KHDRBS2: variants seen among roughly 807,000 people sequenced by gnomAD.
The protein encoded by KHDRBS2 is KH RNA binding domain containing, signal transduction associated 2.
A neutral mutation model predicts 44.3 loss-of-function variants in KHDRBS2; 26 were observed. The observed-to-expected ratio is 0.59, with a 90% CI of 0.43 to 0.81. The LOEUF (loss-of-function observed/expected upper bound fraction) is 0.81, where lower values mean the gene tolerates loss of function less well. Ranked by LOEUF, KHDRBS2 falls within the 40% of genes least tolerant of loss-of-function variation. KHDRBS2 has a pLI of 0.00. For synonymous variants in KHDRBS2, 194 were observed against 151.1 expected (o/e 1.28, Z -2.08); for missense variants, 476 against 433.1 (o/e 1.10, Z -0.88).
intron 6 of KHDRBS2, among the ~76,000 whole-genome samples, chr6:61,791,611 C>T (rs1327433073): frequency 3.3e-5 from 5 of 151,100 alleles, no homozygotes; most frequent in Admixed American, 2.6e-4. Flanking sequence ...ATAAATTATC[C>T]TAAATGAACG....
intron 6 of KHDRBS2, among the ~76,000 whole-genome samples, chr6:61,858,394 G>A (rs1453555122): frequency 1.3e-5 from 2 of 151,018 alleles, no homozygotes; most frequent in South Asian, 4.2e-4. Flanking sequence ...TTAAAATCTG[G>A]CATAAGTTTT....
At chr6:61,845,601 C>A (rs975540916) in intron 6 of KHDRBS2, among the ~76,000 whole-genome samples, 1 of 152,136 alleles carries the variant, frequency 6.6e-6, no homozygotes, top group Non-Finnish European at 1.5e-5. Context: ...AGCCTCTGCA[C>A]ACGGCCCAAT....
At chr6:62,258,911 C>CA (rs776322012) in intron 1 of KHDRBS2, among the ~76,000 whole-genome samples, 8 of 151,988 alleles carry the variant, frequency 5.3e-5, no homozygotes. Flanking sequence ...GGAGCATACC[C>CA]AGTGATGGTA....
chr6:62,114,385 G>A (rs1233344175), intron 2 of KHDRBS2, among the ~76,000 whole-genome samples: 1 of 152,100 alleles, frequency 6.6e-6, no homozygotes, highest in Non-Finnish European at 1.5e-5. Flanking sequence ...CATGTTTTAA[G>A]GAACTGCTTC....
At chr6:61,751,941 C>T (rs1253531257) in intron 6 of KHDRBS2, among the ~76,000 whole-genome samples, 2 of 131,118 alleles carry the variant, frequency 1.5e-5, no homozygotes, top group East Asian at 2.5e-4. Flanking sequence ...GTACACACTT[C>T]TCTGTGTGTG....
chr6:62,260,365 G>C (rs536688716), intron 1 of KHDRBS2, among the ~76,000 whole-genome samples: 1 of 152,030 alleles, frequency 6.6e-6, no homozygotes, highest in African/African-American at 2.4e-5. Flanking sequence ...ATGACCTTTT[G>C]TCAATATAAT....
chr6:61,902,345 A>C (rs1342616045), intron 4 of KHDRBS2, among the ~76,000 whole-genome samples: 1 of 152,214 alleles, frequency 6.6e-6, no homozygotes, highest in Non-Finnish European at 1.5e-5. Flanking sequence ...TTTCACAATA[A>C]CAACCAGAGA....
At chr6:62,144,728 A>G (rs1392352552) in intron 2 of KHDRBS2, among the ~76,000 whole-genome samples, 1 of 151,990 alleles carries the variant, frequency 6.6e-6, no homozygotes, top group Non-Finnish European at 1.5e-5. Context: ...GTTTTTAGTT[A>G]ACAGTAAGTA....
At chr6:62,134,712 C>A (rs754576521) in intron 2 of KHDRBS2, among the ~76,000 whole-genome samples, 50 of 152,170 alleles carry the variant, frequency 3.3e-4, no homozygotes, top group Non-Finnish European at 6.5e-4. Flanking sequence ...CCATAGGAAC[C>A]CACCTCTTGC....
At chr6:62,085,337 G>A (rs1250053039) in intron 2 of KHDRBS2, among the ~76,000 whole-genome samples, 1 of 151,996 alleles carries the variant, frequency 6.6e-6, no homozygotes, top group African/African-American at 2.4e-5. Context: ...TATGTGGAGT[G>A]AGATATAAAA....
At chr6:62,142,850 ATGGTT>A (rs1304600255) in intron 2 of KHDRBS2, among the ~76,000 whole-genome samples, 6 of 151,044 alleles carry the variant, frequency 4.0e-5, no homozygotes, top group African/African-American at 1.2e-4. Flanking sequence ...AAAAATATAT[ATGGTT>A]TATAATAATA....
intron 2 of KHDRBS2, among the ~76,000 whole-genome samples, chr6:62,143,322 T>C (rs1269427007): frequency 6.6e-6 from 1 of 152,024 alleles, no homozygotes; most frequent in Non-Finnish European, 1.5e-5. Context: ...TGTATTGTAC[T>C]GAACTCAGAA....
At chr6:62,163,821 G>C (rs1419932938) in intron 2 of KHDRBS2, among the ~76,000 whole-genome samples, 1 of 151,874 alleles carries the variant, frequency 6.6e-6, no homozygotes, top group Non-Finnish European at 1.5e-5. Flanking sequence ...ATGTACTTCA[G>C]AAAAGAAAAT....
chr6:61,767,385 A>C (rs1780168958), intron 6 of KHDRBS2, among the ~76,000 whole-genome samples: 3 of 151,906 alleles, frequency 2.0e-5, no homozygotes, highest in Non-Finnish European at 4.4e-5. Context: ...GCAACATATC[A>C]TTTGGTCTTG....
Position 62,005,733 on chromosome 6 carries a change from C to T in KHDRBS2, c.337-27521G>A, listed in dbSNP as rs553996917. ...AAAATAACAATATATTTATAAAGTT[C>T]TAACTGTAAATCATGCAAATAAAAA... is the stretch of plus-strand genomic sequence containing the variant. On this transcript the variant is annotated intron_variant, in intron 3 of 8. Transcript: ENST00000281156. Among the ~76,000 whole-genome samples, 4 of 151,302 alleles carry T rather than the reference C, an allele frequency of 2.6e-5. No individual in the cohort carries two copies. In the South Asian group the frequency reaches 8.3e-4, roughly 31 times the overall value.
intron 6 of KHDRBS2, among the ~76,000 whole-genome samples, chr6:61,852,166 G>A (rs1238998360): frequency 6.6e-6 from 1 of 151,952 alleles, no homozygotes; most frequent in Non-Finnish European, 1.5e-5. Flanking sequence ...AGGTCACAGT[G>A]AGCTGAGATC....
chr6:61,891,043 T>G (rs1380703816), intron 6 of KHDRBS2, among the ~76,000 whole-genome samples: 2 of 152,216 alleles, frequency 1.3e-5, no homozygotes, highest in Admixed American at 6.5e-5. Flanking sequence ...TAGTTAAATT[T>G]TGATTATTAA....
chr6:62,172,061 C>G (rs1322769215), intron 2 of KHDRBS2, among the ~76,000 whole-genome samples: 1 of 152,112 alleles, frequency 6.6e-6, no homozygotes. Flanking sequence ...ATGACAGGAT[C>G]AAATCACACA....
chr6:61,998,183 T>G (rs1383889533), intron 3 of KHDRBS2, among the ~76,000 whole-genome samples: 1 of 152,076 alleles, frequency 6.6e-6, no homozygotes, highest in East Asian at 1.9e-4. Context: ...AACTTCAGAG[T>G]AGTCTCAAAA....
Sources: allele counts gnomAD v4.1 joint callset (sites outside exome capture counted in the v4.1 genomes callset), GRCh38; gene constraint gnomAD v4.1.1; transcripts MANE v1.5; gene names NCBI Gene and HGNC (gene_info 2026-07-23, HGNC 2026-07-21).